The following NMUR1 variants were observed in gnomAD, a reference collection of about 807,000 sequenced individuals.
NMUR1 encodes neuromedin U receptor 1.
Under a neutral mutation model 18.8 loss-of-function variants are expected in NMUR1, and 16 were observed. The observed-to-expected ratio is 0.85, with a 90% CI of 0.58 to 1.29. The LOEUF (loss-of-function observed/expected upper bound fraction) is 1.29. Among genes scored for constraint, NMUR1 ranks in the 50% most tolerant of loss-of-function variants. The probability of loss-of-function intolerance (pLI) is 0.00; values close to 1 mark genes in which losing one functional copy is unlikely to be tolerated. For missense variants in NMUR1, 529 were observed against 580.3 expected (o/e 0.91, Z 0.91); for synonymous variants, 258 against 258.2 (o/e 1.00, Z 0.01).
At chr2:231,525,512 C>T in intron 2 of NMUR1, 87 bp from the exon 3 acceptor site, 2 of 1,439,664 alleles carry the variant, frequency 1.4e-6, no homozygotes, top group Non-Finnish European at 1.9e-6. Context: ...CCCATTTTCA[C>T]ATCCTCTCCT....
intron 2 of NMUR1, 120 bp downstream of exon 2, chr2:231,528,003 A>T: frequency 1.3e-6 from 1 of 773,092 alleles, no homozygotes; most frequent in Non-Finnish European, 1.9e-6. Context: ...CACACACGAG[A>T]CTAGAGGAGT....
chr2:231,528,314 G>T lies in NMUR1; in HGVS notation c.707C>A (p.Ala236Glu). 6.2e-7 allele frequency: 1 copy of T among 1,613,126 alleles called. No individual in the cohort carries two copies. Among genetic ancestry groups the T allele is most frequent in the African/African-American group, 1.3e-5 (1 of 75,058 alleles). Residue 236 changes from alanine (A) to glutamate (E), a missense_variant, in exon 2 of 3, where the codon GCG (alanine) becomes GAG (glutamate). Ala to Glu is a moderately radical substitution (Grantham distance 107). Coordinates refer to ENST00000305141, the MANE Select transcript of NMUR1 (RefSeq NM_006056.5). ...CATGGGCAGGCAGAAGAAGAGCAGC[G>T]CGGTGGTCTGCACTACCATGTTGTA... ...ALYNMVVQTT[A>E]LLFFCLPMAI... is the part of the protein sequence containing the mutation.
chr2:231,528,429 T>C lies in NMUR1; in HGVS notation c.592A>G (p.Ser198Gly), dbSNP rs765762776. Residue 198 changes from serine (S) to glycine (G), a missense_variant, in exon 2 of 3, where the codon AGC becomes GGC. By Grantham distance (56) the Ser-to-Gly change is moderately conservative. Transcript: ENST00000305141. ...TGCAGCTGCCGGATGCCGTGCAGGC[T>C]GGTGTTGGGCAGGGAGCAGAGCATG... ...LAMLCSLPNT[S>G]LHGIRQLHVP... The C allele has an allele frequency of 6.2e-6, 10 of 1,613,614 alleles. No homozygotes were observed. The highest frequency in any genetic ancestry group is 3.3e-5 in the Admixed American group (2 of 59,998).
downstream of NMUR1, among the ~76,000 whole-genome samples, chr2:231,518,622 G>GA (rs1358873449): frequency 6.5e-5 from 9 of 138,100 alleles, no homozygotes; most frequent in African/African-American, 1.7e-4. Flanking sequence ...TTTTTTTGGT[G>GA]GTTTTTTGTA....
At chr2:231,521,789 C>T (rs1350330799), downstream of NMUR1, among the ~76,000 whole-genome samples, 4 of 152,074 alleles carry the variant, frequency 2.6e-5, no homozygotes, top group Admixed American at 2.6e-4. Context: ...GCAGCCCCAG[C>T]ATGACCGGTG....
rs776776103 is a variant in NMUR1, at chr2:231,528,245, C to T, written c.776G>A (p.Arg259Gln). The T allele has an allele frequency of 1.2e-5, 19 of 1,613,758 alleles. No individual in the cohort carries two copies. Among genetic ancestry groups the T allele is most frequent in the Non-Finnish European group, 1.5e-5 (18 of 1,179,948 alleles). Residue 259 changes from arginine (R) to glutamine (Q), a missense_variant, in exon 2 of 3, where the codon CGG becomes CAG. Coordinates refer to ENST00000305141, the MANE Select transcript of NMUR1 (RefSeq NM_006056.5). Reference protein sequence around the residue: ...VLYLLIGLRLRRERLLLMQEA... With the variant: ...VLYLLIGLRLQRERLLLMQEA... The stretch of plus-strand genomic sequence containing the variant: ...CTGCATGAGCAGCAGCCTCTCCCGC[C>T]GCAGTCGCAGCCCAATGAGCAGGTA...
Position 231,528,519 on chromosome 2 carries a change from G to A in NMUR1, c.502C>T (p.Gln168Ter). 1 of 1,613,896 alleles carries A rather than the reference G, an allele frequency of 6.2e-7. No individual in the cohort carries two copies. Among genetic ancestry groups the A allele is most frequent in the South Asian group, 1.1e-5 (1 of 91,090 alleles). ...GCCCGCGTCACCATGGACCTGGCCT[G>A]GAGTGGGTGCACCACGGCCACATAG... ...ERYVAVVHPL[Q>*]ARSMVTRAHV... The change falls in exon 2 of 3, where the codon CAG becomes TAG. Residue 168 changes from glutamine (Q) to a stop codon, truncating the protein, a stop_gained. Transcript: ENST00000305141. LOFTEE classifies it high-confidence loss of function.
At position 231,528,185 on chromosome 2, in the gene NMUR1, G is replaced by A; in HGVS notation, c.836C>T (p.Ser279Phe). The change falls in exon 2 of 3, where the codon TCC (serine) becomes TTC (phenylalanine). Residue 279 changes from serine to phenylalanine, a missense_variant. By Grantham distance (155) the Ser-to-Phe change is radical (BLOSUM62 -2). Coordinates refer to ENST00000305141, the MANE Select transcript of NMUR1 (RefSeq NM_006056.5). Reference sequence around the variant, plus strand: ...CTGCTGGAGCCTGCAGGTGTATCTGGACCTGGCTGCTGCAGAGCCCCTGCC... The same window carrying A: ...CTGCTGGAGCCTGCAGGTGTATCTGAACCTGGCTGCTGCAGAGCCCCTGCC... ...AKGRGSAAAR[S>F]RYTCRLQQHD... is the part of the protein sequence containing the mutation. 6.2e-7 allele frequency: 1 copy of A among 1,602,368 alleles called. No homozygotes were observed. The highest frequency in any genetic ancestry group is 8.5e-7 in the Non-Finnish European group (1 of 1,174,358).
chr2:231,528,865 C>T lies in NMUR1; in HGVS notation c.156G>A (p.Leu52=). ...TGAACAGCTCTGTCTGCTGGGGCCCCAGGTACTTGAGTCTCAGTGCCTCGT... is the reference window on the plus strand; with the variant it reads ...TGAACAGCTCTGTCTGCTGGGGCCCTAGGTACTTGAGTCTCAGTGCCTCGT... The part of the protein sequence containing the change: ...LTDEALRLKY[L]GPQQTELFMP... Residue 52 remains leucine (L), a synonymous_variant, in exon 2 of 3, where the codon CTG becomes CTA. Coordinates refer to ENST00000305141, the MANE Select transcript of NMUR1 (RefSeq NM_006056.5). The T allele has an allele frequency of 6.2e-7, 1 of 1,614,214 alleles. No individual in the cohort carries two copies. The highest frequency in any genetic ancestry group is 8.5e-7 in the Non-Finnish European group (1 of 1,180,046).
In NMUR1 at chr2:231,528,336, T is replaced by G. The variant is rs2047377810; in HGVS notation, c.685A>C (p.Asn229His). 6.2e-7 allele frequency: 1 copy of G among 1,613,142 alleles called. No individual in the cohort carries two copies. Among genetic ancestry groups the G allele is most frequent in the Non-Finnish European group, 8.5e-7 (1 of 1,179,514 alleles). The change falls in exon 2 of 3, where the codon AAC becomes CAC. Residue 229 changes from asparagine (N) to histidine (H), a missense_variant. Transcript: ENST00000305141. ...AGCGCGGTGGTCTGCACTACCATGTTGTAGAGGGCCCGTGGGCGGACCAGC... is the reference window on the plus strand; with the variant it reads ...AGCGCGGTGGTCTGCACTACCATGTGGTAGAGGGCCCGTGGGCGGACCAGC... ...CMLVRPRALY[N>H]MVVQTTALLF...
downstream of NMUR1, among the ~76,000 whole-genome samples, chr2:231,522,105 A>G (rs1216873366): frequency 6.7e-6 from 1 of 149,108 alleles, no homozygotes; most frequent in Non-Finnish European, 1.5e-5. Flanking sequence ...TCAGCCTTCC[A>G]AGTAGCTGGG....
At chr2:231,522,561 C>T (rs1342822282), downstream of NMUR1, among the ~76,000 whole-genome samples, 1 of 151,928 alleles carries the variant, frequency 6.6e-6, no homozygotes, top group African/African-American at 2.4e-5. Flanking sequence ...TTCACAGGCT[C>T]CTTTCTCTGC....
At position 231,528,793 on chromosome 2, in the gene NMUR1, C is replaced by T. The variant is rs547539636; in HGVS notation, c.228G>A (p.Val76=). The change falls in exon 2 of 3, where the codon GTG becomes GTA. Residue 76 remains valine (V), a synonymous_variant. Coordinates refer to ENST00000305141, the MANE Select transcript of NMUR1 (RefSeq NM_006056.5). The part of the protein sequence containing the change: ...TYLLIFVVGA[V]GNGLTCLVIL... ...TGACCAGACAGGTCAGCCCATTGCC[C>T]ACAGCGCCCACCACGAAGATCAGCA... 6.2e-7 allele frequency: 1 copy of T among 1,614,194 alleles called. No homozygotes were observed. Among genetic ancestry groups the T allele is most frequent in the South Asian group, 1.1e-5 (1 of 91,082 alleles).
rs750276950 is a variant in NMUR1 at position 231,528,745 on chromosome 2, G to T, written c.276C>A (p.Arg92=). The T allele has an allele frequency of 9.3e-6, 15 of 1,614,112 alleles. No homozygotes were observed. The highest frequency in any genetic ancestry group is 1.3e-5 in the Non-Finnish European group (15 of 1,180,050). ...CLVILRHKAM[R]TPTNYYLFSL... is the part of the protein sequence containing the mutation. ...TGAAGAGGTAGTAGTTGGTAGGCGT[G>T]CGCATGGCCTTGTGGCGCAGGATGA... Residue 92 remains arginine, a synonymous_variant, in exon 2 of 3, where the codon CGC becomes CGA. Transcript: ENST00000305141.
At position 231,524,806 on chromosome 2, in the gene NMUR1, A is replaced by C. The variant is rs572813132; in HGVS notation, c.*237T>G. 6 of 469,700 alleles carry C rather than the reference A, an allele frequency of 1.3e-5. No homozygotes were observed. Among genetic ancestry groups the C allele is most frequent in the African/African-American group, 9.7e-5 (5 of 51,676 alleles). The allele number at this position is 469,700 out of a possible 1,614,324, so 29.1% of individuals were successfully genotyped here. A position where few individuals can be genotyped will look rare whatever the true frequency, so the allele number is the denominator to read the frequency against. Reference sequence around the variant, plus strand: ...GCAGGGTAAGGATTTGAACTGGGGGAGTGGCAGTGGACAGATAAGAAGCAC... The same window carrying C: ...GCAGGGTAAGGATTTGAACTGGGGGCGTGGCAGTGGACAGATAAGAAGCAC... On this transcript the variant is annotated 3_prime_UTR_variant, in exon 3 of 3. Transcript: ENST00000305141.
intron 2 of NMUR1, among the ~76,000 whole-genome samples, chr2:231,526,511 CG>C (rs2047357764): frequency 6.6e-6 from 1 of 152,102 alleles, no homozygotes; most frequent in Admixed American, 6.5e-5. Flanking sequence ...AGGGAGGGGA[CG>C]GGGTAGTAGG....
At position 231,528,170 on chromosome 2, in the gene NMUR1, C is replaced by T; in HGVS notation, c.851G>A (p.Arg284Lys). 1 of 1,586,346 alleles carries T rather than the reference C, an allele frequency of 6.3e-7. No homozygotes were observed. Among genetic ancestry groups the T allele is most frequent in the Non-Finnish European group, 8.6e-7 (1 of 1,165,120 alleles). The change falls in exon 2 of 3, where the codon AGG becomes AAG. Residue 284 changes from arginine to lysine, a missense_variant. Arg to Lys is a conservative substitution (Grantham distance 26). Transcript: ENST00000305141. ...CCGGCCCCGATCGTGCTGCTGGAGC[C>T]TGCAGGTGTATCTGGACCTGGCTGC... ...SAAARSRYTC[R>K]LQQHDRGRRQ...
intron 1 of NMUR1, 121 bp from the exon 2 acceptor site, chr2:231,529,138 G>A: frequency 9.8e-7 from 1 of 1,021,366 alleles, no homozygotes. Context: ...GCACCACTGA[G>A]AAAGAAAAAA....
rs771645983 is a variant in NMUR1 at position 231,528,235 on chromosome 2, C to A, written c.786G>T (p.Arg262Ser). The A allele has an allele frequency of 6.2e-7, 1 of 1,613,128 alleles. No homozygotes were observed. Among genetic ancestry groups the A allele is most frequent in the East Asian group, 2.2e-5 (1 of 44,884 alleles). Reference sequence around the variant, plus strand: ...CCTTGGCCTCCTGCATGAGCAGCAGCCTCTCCCGCCGCAGTCGCAGCCCAA... The same window carrying A: ...CCTTGGCCTCCTGCATGAGCAGCAGACTCTCCCGCCGCAGTCGCAGCCCAA... ...LLIGLRLRRE[R>S]LLLMQEAKGR... is the part of the protein sequence containing the mutation. Residue 262 changes from arginine (R) to serine (S), a missense_variant, in exon 2 of 3, where the codon AGG becomes AGT. Coordinates refer to ENST00000305141, the MANE Select transcript of NMUR1 (RefSeq NM_006056.5).
Sources: allele counts gnomAD v4.1 joint callset (sites outside exome capture counted in the v4.1 genomes callset), GRCh38; gene constraint gnomAD v4.1.1; transcripts MANE v1.5; gene names NCBI Gene and HGNC (gene_info 2026-07-23, HGNC 2026-07-21).